The following MLLT10 variants were observed in gnomAD, a reference collection of about 807,000 sequenced individuals.
MLLT10 encodes the protein MLLT10 histone lysine methyltransferase DOT1L cofactor.
MLLT10 carries 30 observed loss-of-function variants against 129.1 expected under a neutral mutation model. That is an observed-to-expected ratio of 0.23 (90% CI 0.17 to 0.32). The LOEUF is 0.32. Ranked by LOEUF, MLLT10 falls within the 10% of genes least tolerant of loss-of-function variation. The pLI is 1.00. For missense variants in MLLT10, 1,119 were observed against 1,268.3 expected (o/e 0.88, Z 1.79); for synonymous variants, 490 against 446.4 (o/e 1.10, Z -1.23).
At chr10:21,546,258 A>G (rs2036057501) in intron 3 of MLLT10, among the ~76,000 whole-genome samples, 1 of 151,620 alleles carries the variant, frequency 6.6e-6, no homozygotes, top group African/African-American at 2.4e-5. Context: ...TTGTATTTTT[A>G]GTAGAAACTG....
At chr10:21,657,779 A>C (rs2049761907) in intron 9 of MLLT10, among the ~76,000 whole-genome samples, 1 of 152,186 alleles carries the variant, frequency 6.6e-6, no homozygotes, top group African/African-American at 2.4e-5. Context: ...AGGAGAACCT[A>C]ATTTTAAGTA....
At chr10:21,593,191 C>T (rs1477234708) in intron 4 of MLLT10, among the ~76,000 whole-genome samples, 1 of 151,718 alleles carries the variant, frequency 6.6e-6, no homozygotes, top group Non-Finnish European at 1.5e-5. Context: ...AACTCTTGGG[C>T]TTAAGCACTC....
chr10:21,651,845 C>T (rs1441011192), intron 9 of MLLT10, 77 bp downstream of exon 9: 8 of 726,050 alleles, frequency 1.1e-5, no homozygotes, highest in African/African-American at 7.4e-5. Context: ...AAACTGTTTT[C>T]ATTCCCTAAC....
At chr10:21,629,035 C>T (rs1055196196) in intron 8 of MLLT10, among the ~76,000 whole-genome samples, 2 of 151,954 alleles carry the variant, frequency 1.3e-5, no homozygotes, top group Non-Finnish European at 2.9e-5. Context: ...GGAGCTGCCA[C>T]ACCCAGCCGC....
intron 8 of MLLT10, among the ~76,000 whole-genome samples, chr10:21,648,384 G>T (rs919767269): frequency 6.6e-6 from 1 of 151,972 alleles, no homozygotes; most frequent in African/African-American, 2.4e-5. Context: ...TCTCTATATT[G>T]TATGTTTTCA....
rs528781922 is a variant in MLLT10 at position 21,568,863 on chromosome 10, T to A, written c.241-17431T>A. ...CTTGGTCAGGCTGGTCTTGAACTCCTGACCTTGTGATACACCTGCCTCGAC... is the reference window on the plus strand; with the variant it reads ...CTTGGTCAGGCTGGTCTTGAACTCCAGACCTTGTGATACACCTGCCTCGAC... On this transcript the variant is annotated intron_variant, in intron 3 of 22. Transcript: ENST00000307729. Among the ~76,000 whole-genome samples, 4 of 152,304 alleles carry A rather than the reference T, an allele frequency of 2.6e-5. No individual in the cohort carries two copies. The South Asian group carries it at 8.3e-4, about 32-fold the overall frequency.
chr10:21,595,233 T>G (rs982579466), intron 4 of MLLT10, 98 bp from the exon 5 acceptor site: 23 of 787,348 alleles, frequency 2.9e-5, no homozygotes, highest in Non-Finnish European at 4.0e-5. Context: ...GTTGTGCATT[T>G]ATTTCAATAG....
Position 21,740,176 on chromosome 10 carries a change from C to T in MLLT10, c.3102C>T (p.His1034=), listed in dbSNP as rs1248288841. The change falls in exon 22 of 23, where the codon CAC becomes CAT. Residue 1034 remains histidine, a synonymous_variant. Coordinates refer to ENST00000307729, the MANE Select transcript of MLLT10 (RefSeq NM_001195626.3). ...CAGGTACACAGGCACCCCCACTTCA[C>T]ACAGCTACCACCAACCCATTTCTCA... ...LLAGTQAPPL[H]TATTNPFLTI... is the part of the protein sequence containing the mutation. 2 of 1,614,202 alleles carry T rather than the reference C, an allele frequency of 1.2e-6. No individual in the cohort carries two copies. The highest frequency in any genetic ancestry group is 1.3e-5 in the African/African-American group (1 of 75,042).
At chr10:21,551,813 TAG>T in intron 3 of MLLT10, 1 of 427,124 alleles carries the variant, frequency 2.3e-6, no homozygotes. Flanking sequence ...TTTTTTTTTT[TAG>T]GCAGAGTCTC....
At chr10:21,659,103 G>A (rs1725841827) in intron 9 of MLLT10, among the ~76,000 whole-genome samples, 1 of 151,914 alleles carries the variant, frequency 6.6e-6, no homozygotes, top group South Asian at 2.1e-4. Context: ...CTGGATGCAG[G>A]TCCTTTGTCA....
chr10:21,713,657 A>G (rs2056307031), intron 13 of MLLT10, 115 bp from the exon 14 acceptor site: 1 of 867,550 alleles, frequency 1.2e-6, no homozygotes, highest in Non-Finnish European at 1.7e-6. Flanking sequence ...AACAGCAACA[A>G]TAAGATTTAT....
At chr10:21,609,783 C>G (rs887283643) in intron 5 of MLLT10, among the ~76,000 whole-genome samples, 15 of 152,142 alleles carry the variant, frequency 9.9e-5, no homozygotes, top group Non-Finnish European at 1.0e-4. Context: ...AAATAGAATT[C>G]AGGTACTCTT....
At chr10:21,572,621 T>C in intron 3 of MLLT10, among the ~76,000 whole-genome samples, 1 of 152,148 alleles carries the variant, frequency 6.6e-6, no homozygotes, top group East Asian at 1.9e-4. Context: ...AATTACTTTT[T>C]TTTTTTCCTG....
intron 6 of MLLT10, among the ~76,000 whole-genome samples, chr10:21,613,500 T>C (rs552233006): frequency 2.0e-5 from 3 of 152,306 alleles, no homozygotes; most frequent in Admixed American, 2.0e-4. Context: ...AAGATGAAAG[T>C]AGTTTTTGGG....
intron 5 of MLLT10, among the ~76,000 whole-genome samples, chr10:21,609,604 GA>G (rs2044392245): frequency 6.6e-6 from 1 of 152,148 alleles, no homozygotes; most frequent in Non-Finnish European, 1.5e-5. Flanking sequence ...GTGATCCCAG[GA>G]GGGCCCTTCT....
At chr10:21,642,427 C>T (rs574011590) in intron 8 of MLLT10, among the ~76,000 whole-genome samples, 30 of 152,154 alleles carry the variant, frequency 2.0e-4, no homozygotes, top group African/African-American at 5.8e-4. Context: ...GAGGCTGAGG[C>T]GGGCAGATTA....
At chr10:21,698,934 G>A (rs905368694) in intron 13 of MLLT10, among the ~76,000 whole-genome samples, 2 of 152,196 alleles carry the variant, frequency 1.3e-5, no homozygotes, top group African/African-American at 4.8e-5. Flanking sequence ...GAGTGCAGTG[G>A]CACAATCTTG....
At chr10:21,622,798 A>T (rs1329031742) in intron 8 of MLLT10, among the ~76,000 whole-genome samples, 3 of 152,158 alleles carry the variant, frequency 2.0e-5, no homozygotes, top group Admixed American at 2.0e-4. Context: ...TATTACCCAG[A>T]GTTAGTGCAG....
intron 5 of MLLT10, among the ~76,000 whole-genome samples, chr10:21,599,094 C>T (rs2043273492): frequency 6.6e-6 from 1 of 151,674 alleles, no homozygotes; most frequent in South Asian, 2.1e-4. Flanking sequence ...AGGAGAATTG[C>T]TTGAACCTGG....
Sources: gnomAD v4.1 joint callset for allele counts (sites outside exome capture counted in the v4.1 genomes callset) on GRCh38, gnomAD v4.1.1 for gene constraint, MANE v1.5 for transcripts, NCBI Gene and HGNC (gene_info 2026-07-23, HGNC 2026-07-21) for gene names.